The following DNAH6 variants were observed in gnomAD, a reference collection of about 807,000 sequenced individuals.
DNAH6 encodes axonemal beta dynein heavy chain 6.
A neutral mutation model predicts 491.4 loss-of-function variants in DNAH6; 340 were observed. The ratio of observed to expected loss-of-function variants is 0.69; its 90% CI spans 0.63 to 0.76. DNAH6 has a LOEUF of 0.76. Among genes scored for constraint, DNAH6 ranks in the 30% least tolerant of loss-of-function variants. DNAH6 has a pLI of 0.00. For missense variants in DNAH6, 4,443 were observed against 4,972.2 expected, an observed-to-expected ratio of 0.89 and a Z score of 3.20; for synonymous variants, 1,603 against 1,686.1, an observed-to-expected ratio of 0.95 and a Z score of 1.21.
chr2:84,597,335 G>C (rs999976196), intron 18 of DNAH6, among the ~76,000 whole-genome samples: 6 of 152,100 alleles, frequency 3.9e-5, no homozygotes, highest in Admixed American at 3.9e-4. Flanking sequence ...CTTCCCCAAA[G>C]AAGACACATG....
At chr2:84,551,109 C>T (rs1679307805) in intron 9 of DNAH6, among the ~76,000 whole-genome samples, 1 of 152,170 alleles carries the variant, frequency 6.6e-6, no homozygotes, top group African/African-American at 2.4e-5. Flanking sequence ...ACCCTCACAG[C>T]TTAAATCTCC....
At chr2:84,552,277 G>A (rs1679469139) in intron 9 of DNAH6, among the ~76,000 whole-genome samples, 1 of 152,072 alleles carries the variant, frequency 6.6e-6, no homozygotes, top group Non-Finnish European at 1.5e-5. Flanking sequence ...GTATGATCTG[G>A]ATGAAACATT....
chr2:84,695,077 C>T (rs1248213652), intron 46 of DNAH6, among the ~76,000 whole-genome samples: 1 of 151,530 alleles, frequency 6.6e-6, no homozygotes, highest in Non-Finnish European at 1.5e-5. Context: ...GAATTAAATA[C>T]AAAGAAAAAA....
At chr2:84,743,146 A>G (rs1672668165) in intron 62 of DNAH6, among the ~76,000 whole-genome samples, 1 of 151,554 alleles carries the variant, frequency 6.6e-6, no homozygotes, top group East Asian at 1.9e-4. Context: ...AAAGGGCTAG[A>G]TGGAGCCTCA....
At chr2:84,797,710 A>G (rs1011167885) in intron 70 of DNAH6, 52 bp downstream of exon 70, 3 of 1,414,384 alleles carry the variant, frequency 2.1e-6, no homozygotes, top group Admixed American at 4.1e-5. Context: ...ATGTAAACTC[A>G]AAACATCAAT....
chr2:84,812,726 T>C (rs1398924252), intron 73 of DNAH6, among the ~76,000 whole-genome samples, 200 bp downstream of exon 73: 1 of 152,188 alleles, frequency 6.6e-6, no homozygotes, highest in African/African-American at 2.4e-5. Context: ...CATCCCCACC[T>C]TCCACTTTAA....
chr2:84,651,195 C>T lies in DNAH6; in HGVS notation c.5079-2124C>T, dbSNP rs1326958599. Among the ~76,000 whole-genome samples, 6 of 152,154 alleles carry T rather than the reference C, an allele frequency of 3.9e-5. No individual in the cohort carries two copies. In the East Asian group the frequency reaches 1.2e-3, roughly 29 times the overall value. ...GTAAAAGTCCTGACTCTCCACTGAT[C>T]CTCCTCTGATTCCACCTGTCAGAGA... On this transcript the variant is annotated intron_variant, in intron 33 of 76. Transcript: ENST00000389394.
intron 18 of DNAH6, among the ~76,000 whole-genome samples, chr2:84,600,212 T>C (rs1303869011): frequency 2.6e-5 from 4 of 152,220 alleles, no homozygotes; most frequent in Non-Finnish European, 5.9e-5. Context: ...TATCAGTTTA[T>C]GCATTTTTTA....
At chr2:84,735,488 T>G (rs886824594) in intron 62 of DNAH6, among the ~76,000 whole-genome samples, 1 of 152,262 alleles carries the variant, frequency 6.6e-6, no homozygotes, top group Non-Finnish European at 1.5e-5. Context: ...TCACAGAGGC[T>G]GAACTAATTT....
chr2:84,770,989 CAA>C (rs576040557), intron 64 of DNAH6, among the ~76,000 whole-genome samples: 3 of 127,018 alleles, frequency 2.4e-5, no homozygotes, highest in Non-Finnish European at 3.4e-5. Flanking sequence ...GATCCTCTGT[CAA>C]AAAAAAAAAA....
the DNAH6 span, among the ~76,000 whole-genome samples, chr2:84,484,416 C>T: frequency 6.6e-6 from 1 of 152,182 alleles, no homozygotes; most frequent in East Asian, 1.9e-4. Flanking sequence ...AAGTGTTGTA[C>T]TACATGATGC....
chr2:84,751,251 T>C (rs1673439175), intron 63 of DNAH6: 1 of 152,212 alleles, frequency 6.6e-6, no homozygotes, highest in Non-Finnish European at 1.5e-5. Context: ...GAAGAAGCCT[T>C]ATAACTAAGA....
chr2:84,802,204 A>G (rs551237518), intron 70 of DNAH6, among the ~76,000 whole-genome samples: 2 of 152,310 alleles, frequency 1.3e-5, no homozygotes, highest in South Asian at 4.1e-4. Flanking sequence ...AACACCTCAC[A>G]TATCAATATT....
At chr2:84,703,639 G>T (rs1696145831) in intron 50 of DNAH6, 77 bp downstream of exon 50, 3 of 1,229,960 alleles carry the variant, frequency 2.4e-6, no homozygotes, top group Non-Finnish European at 2.1e-6. Flanking sequence ...GACACGATTG[G>T]ATTTTTTTAT....
intron 37 of DNAH6, among the ~76,000 whole-genome samples, chr2:84,659,517 A>G (rs968897220): frequency 6.6e-6 from 1 of 152,206 alleles, no homozygotes; most frequent in African/African-American, 2.4e-5. Context: ...ATATTCTAAG[A>G]TTGACTAAAT....
the DNAH6 span, among the ~76,000 whole-genome samples, chr2:84,481,433 C>T: frequency 6.6e-6 from 1 of 152,054 alleles, no homozygotes; most frequent in Non-Finnish European, 1.5e-5. Flanking sequence ...ACATGTTCAC[C>T]CAGTGCTGAT....
intron 57 of DNAH6, among the ~76,000 whole-genome samples, chr2:84,714,467 G>A (rs943017790): frequency 1.3e-5 from 2 of 152,066 alleles, no homozygotes; most frequent in African/African-American, 2.4e-5. Flanking sequence ...AGAATGGAGG[G>A]GAGCAGGAAG....
chr2:84,593,136 A>T (rs1684265927), intron 16 of DNAH6, among the ~76,000 whole-genome samples: 4 of 152,186 alleles, frequency 2.6e-5, no homozygotes, highest in Admixed American at 2.6e-4. Context: ...ATAAATTTTT[A>T]AAAAACACAG....
chr2:84,759,728 A>T (rs868511299), intron 63 of DNAH6, among the ~76,000 whole-genome samples: 1 of 152,278 alleles, frequency 6.6e-6, no homozygotes, highest in South Asian at 2.1e-4. Flanking sequence ...ACCCTAAAAA[A>T]TACCAACATC....
Sources: gnomAD v4.1 joint callset for allele counts (sites outside exome capture counted in the v4.1 genomes callset) on GRCh38, gnomAD v4.1.1 for gene constraint, MANE v1.5 for transcripts, NCBI Gene and HGNC (gene_info 2026-07-23, HGNC 2026-07-21) for gene names.